The following RTN1 variants were observed in gnomAD, a reference collection of about 807,000 sequenced individuals.
RTN1 encodes the protein reticulon 1.
RTN1 carries 25 observed loss-of-function variants against 65.5 expected under a neutral mutation model. The ratio of observed to expected loss-of-function variants is 0.38; its 90% CI spans 0.28 to 0.53. The LOEUF is 0.53. Among genes scored for constraint, RTN1 ranks in the 20% least tolerant of loss-of-function variants. The pLI, the probability that RTN1 is intolerant of heterozygous loss-of-function variation, is 0.79. For missense variants in RTN1, 983 were observed against 1,025.4 expected (o/e 0.96, Z 0.57); for synonymous variants, 471 against 447.6 (o/e 1.05, Z -0.66).
At chr14:59,798,041 A>T (rs1477210630) in intron 1 of RTN1, among the ~76,000 whole-genome samples, 1 of 152,254 alleles carries the variant, frequency 6.6e-6, no homozygotes, top group Non-Finnish European at 1.5e-5. Context: ...CAGAAAGAGC[A>T]GAGTCATGAT....
chr14:59,756,844 T>G (rs1477010207), intron 1 of RTN1, among the ~76,000 whole-genome samples: 2 of 140,438 alleles, frequency 1.4e-5, no homozygotes, highest in Non-Finnish European at 3.0e-5. Context: ...TTTTTTTGTT[T>G]TTTTTTTTTT....
At chr14:59,622,964 T>C (rs1594637661) in intron 3 of RTN1, among the ~76,000 whole-genome samples, 1 of 152,290 alleles carries the variant, frequency 6.6e-6, no homozygotes, top group East Asian at 1.9e-4. Context: ...GACTCTTAAA[T>C]AATTCTGTGG....
intron 3 of RTN1, among the ~76,000 whole-genome samples, chr14:59,692,345 A>T (rs1883979477): frequency 6.6e-6 from 1 of 152,060 alleles, no homozygotes; most frequent in African/African-American, 2.4e-5. Flanking sequence ...ACCTAGGAAC[A>T]CATCTAACCA....
At chr14:59,672,167 A>G (rs144606398) in intron 3 of RTN1, among the ~76,000 whole-genome samples, 109 of 152,192 alleles carry the variant, frequency 7.2e-4, no homozygotes, top group African/African-American at 2.6e-3. Context: ...ATGCCATTTG[A>G]CCTCTTTGAG....
rs1325802100 is a variant in RTN1 at position 59,816,661 on chromosome 14, C to T, written c.241+53729G>A. 1.3e-5 allele frequency among the ~76,000 whole-genome samples: 2 copies of T among 152,112 alleles called. No individual in the cohort carries two copies. Among genetic ancestry groups the T allele is most frequent in the Non-Finnish European group, 2.9e-5 (2 of 68,008 alleles). On this transcript the variant is annotated intron_variant, in intron 1 of 8. Transcript: ENST00000267484. This position sits in a 1 kb window ranked among gnomAD's most constrained non-coding sequence, Gnocchi z 4.3. ...TAAAATACCCAGTACTAGCGGGGCA[C>T]AGTGGCTCATGCCTGTAATCCCAGC...
At chr14:59,672,372 C>A (rs927285821) in intron 3 of RTN1, among the ~76,000 whole-genome samples, 2 of 152,098 alleles carry the variant, frequency 1.3e-5, no homozygotes, top group African/African-American at 4.8e-5. Flanking sequence ...TGAACAAAGC[C>A]AGTGCAGGAT....
intron 1 of RTN1, among the ~76,000 whole-genome samples, chr14:59,853,247 A>G (rs1254337863): frequency 6.6e-6 from 1 of 152,158 alleles, no homozygotes; most frequent in Non-Finnish European, 1.5e-5. Flanking sequence ...CCCCTCTGTC[A>G]CAGGCATGAT....
chr14:59,684,211 G>C (rs1192547854), intron 3 of RTN1, among the ~76,000 whole-genome samples: 1 of 151,680 alleles, frequency 6.6e-6, no homozygotes, highest in Non-Finnish European at 1.5e-5. Context: ...TAAATGATCT[G>C]TTTTGTAAGT....
In RTN1 at chr14:59,746,277, G is replaced by C. The variant is rs966824620; in HGVS notation, c.446C>G (p.Ser149Cys). The C allele has an allele frequency of 6.2e-7, 1 of 1,613,532 alleles. No homozygotes were observed. The highest frequency in any genetic ancestry group is 1.1e-5 in the South Asian group (1 of 90,986). Residue 149 changes from serine (S) to cysteine (C), a missense_variant, in exon 2 of 9, where the codon TCC becomes TGC. This residue lies in a region of RTN1 where 818 missense variants were observed against 801.8 expected (regional missense o/e 1.02). Coordinates refer to ENST00000267484, the MANE Select transcript of RTN1 (RefSeq NM_021136.3). ...CTCTATCCCAGGCACATCTGGTAAGGAGGGGCCGGGTGTACCCAGCTCCTC... is the reference window on the plus strand; with the variant it reads ...CTCTATCCCAGGCACATCTGGTAAGCAGGGGCCGGGTGTACCCAGCTCCTC... ...SPEELGTPGPSLPDVPGIESR... is the reference protein window; with the variant it reads ...SPEELGTPGPCLPDVPGIESR...
chr14:59,725,450 A>T (rs1884737140), intron 3 of RTN1, among the ~76,000 whole-genome samples: 1 of 152,200 alleles, frequency 6.6e-6, no homozygotes, highest in Non-Finnish European at 1.5e-5. Context: ...TCATGTTAAT[A>T]CTTTTTCCTG....
At position 59,849,688 on chromosome 14, in the gene RTN1, T is replaced by C. The variant is rs1249078783; in HGVS notation, c.241+20702A>G. ...CCTGAGCCCCAGTGGCCTGCTGGAG[T>C]CACCCCACTTATAGAAGTTTCTCCT... On this transcript the variant is annotated intron_variant, in intron 1 of 8. Transcript: ENST00000267484. This position sits in a 1 kb window ranked among gnomAD's most constrained non-coding sequence, Gnocchi z 4.5. Among the ~76,000 whole-genome samples the C allele has an allele frequency of 1.3e-5, 2 of 151,986 alleles. No homozygotes were observed. Among genetic ancestry groups the C allele is most frequent in the Non-Finnish European group, 2.9e-5 (2 of 67,984 alleles).
At chr14:59,788,399 C>A (rs1886290581) in intron 1 of RTN1, among the ~76,000 whole-genome samples, 1 of 152,198 alleles carries the variant, frequency 6.6e-6, no homozygotes. Flanking sequence ...GCAAACACTG[C>A]AAATGTTGCC....
At chr14:59,818,903 T>G (rs1016203060) in intron 1 of RTN1, among the ~76,000 whole-genome samples, 1 of 152,210 alleles carries the variant, frequency 6.6e-6, no homozygotes, top group East Asian at 1.9e-4. Context: ...TTGTTGGTCT[T>G]GCTGACTTCA....
intron 3 of RTN1, among the ~76,000 whole-genome samples, chr14:59,611,439 G>A (rs902998795): frequency 6.6e-6 from 1 of 152,226 alleles, no homozygotes; most frequent in Non-Finnish European, 1.5e-5. Flanking sequence ...ATCACAGGGT[G>A]ACTGTAGCCC....
chr14:59,801,685 A>G (rs1209337723), intron 1 of RTN1, among the ~76,000 whole-genome samples: 1 of 152,216 alleles, frequency 6.6e-6, no homozygotes, highest in African/African-American at 2.4e-5. Flanking sequence ...AAGGAACAAT[A>G]GCAAGACTGT....
At chr14:59,666,146 C>G (rs1360088406) in intron 3 of RTN1, among the ~76,000 whole-genome samples, 2 of 152,156 alleles carry the variant, frequency 1.3e-5, no homozygotes, top group Non-Finnish European at 2.9e-5. Flanking sequence ...ACATTATTCT[C>G]AGCATCACAT....
intron 3 of RTN1, among the ~76,000 whole-genome samples, chr14:59,631,582 T>A (rs767337920): frequency 1.3e-5 from 2 of 152,204 alleles, no homozygotes; most frequent in Non-Finnish European, 2.9e-5. Context: ...AACAGAACAA[T>A]GGGTGGTGAC....
intron 1 of RTN1, among the ~76,000 whole-genome samples, chr14:59,866,635 G>A: frequency 6.6e-6 from 1 of 152,102 alleles, no homozygotes; most frequent in Non-Finnish European, 1.5e-5. Context: ...CAGAGGATAT[G>A]CCCACAGAAA....
At chr14:59,632,143 C>T (rs924624549) in intron 3 of RTN1, among the ~76,000 whole-genome samples, 5 of 152,220 alleles carry the variant, frequency 3.3e-5, no homozygotes, top group Admixed American at 6.5e-5. Context: ...GGCCTCTCTG[C>T]GTATCTTTGT....
Sources: allele counts gnomAD v4.1 joint callset (sites outside exome capture counted in the v4.1 genomes callset), GRCh38; gene constraint gnomAD v4.1.1; regional missense constraint gnomAD v4.1.1; non-coding constraint Gnocchi (gnomAD v3.1); transcripts MANE v1.5; gene names NCBI Gene and HGNC (gene_info 2026-07-23, HGNC 2026-07-21).